Variants in NBAS observed in about 807,000 individuals in gnomAD.
NBAS encodes NBAS subunit of NRZ tethering complex, also known as NAG/BC035112 fusion.
A neutral mutation model predicts 302.5 loss-of-function variants in NBAS; 219 were observed. The observed-to-expected ratio is 0.72, with a 90% CI of 0.65 to 0.81. The LOEUF (loss-of-function observed/expected upper bound fraction) is 0.81, where lower values mean the gene tolerates loss of function less well. Ranked by LOEUF, NBAS falls within the 30% of genes least tolerant of loss-of-function variation. The pLI is 0.00. For missense variants in NBAS, 2,932 were observed against 2,841.6 expected, an observed-to-expected ratio of 1.03 and a Z score of -0.72; for synonymous variants, 1,118 against 1,021.6, an observed-to-expected ratio of 1.09 and a Z score of -1.80.
chr2:14,880,178 C>T, the NBAS span, among the ~76,000 whole-genome samples: 24 of 152,152 alleles, frequency 1.6e-4, no homozygotes, highest in African/African-American at 5.3e-4. Flanking sequence ...ATGAAGGAGC[C>T]CTTGAACAAA....
chr2:14,899,367 G>A, the NBAS span, among the ~76,000 whole-genome samples: 36 of 151,180 alleles, frequency 2.4e-4, no homozygotes, highest in Non-Finnish European at 4.1e-4. Flanking sequence ...CTAAATAAAT[G>A]TCAAATGACT....
rs1350903058 is a variant in NBAS at position 15,341,406 on chromosome 2, A to AAATT, written c.4179+10585_4179+10586insAATT. 3.0e-3 allele frequency among the ~76,000 whole-genome samples: 440 copies of AAATT among 148,128 alleles called. 1 individual carries two copies. The highest frequency in any genetic ancestry group is 0.011 in the African/African-American group (421 of 38,578). On this transcript the variant is annotated intron_variant, in intron 35 of 51. Coordinates refer to ENST00000281513, the MANE Select transcript of NBAS (RefSeq NM_015909.4). ...ATCTCTAATAAATAAATAAATGAAT[A>AAATT]AATAAATAAATAAATAAATAAAGTA...
chr2:14,986,864 A>C, the NBAS span, among the ~76,000 whole-genome samples: 1 of 152,164 alleles, frequency 6.6e-6, no homozygotes, highest in Non-Finnish European at 1.5e-5. Flanking sequence ...CATTTGATCA[A>C]TACAGGAGTT....
chr2:14,819,564 C>G, the NBAS span, among the ~76,000 whole-genome samples: 1 of 152,152 alleles, frequency 6.6e-6, no homozygotes, highest in African/African-American at 2.4e-5. Context: ...GAGAGGATTT[C>G]AAGGACTTAA....
the NBAS span, among the ~76,000 whole-genome samples, chr2:14,783,190 T>A: frequency 6.6e-6 from 1 of 152,090 alleles, no homozygotes; most frequent in Non-Finnish European, 1.5e-5. Flanking sequence ...AAATGGCAAA[T>A]TGACTATGAA....
At chr2:14,928,921 C>T in the NBAS span, among the ~76,000 whole-genome samples, 1 of 152,120 alleles carries the variant, frequency 6.6e-6, no homozygotes, top group Non-Finnish European at 1.5e-5. Context: ...TTGAAGTATG[C>T]TCTTGTGAGG....
chr2:15,081,015 A>C, the NBAS span, among the ~76,000 whole-genome samples: 3 of 151,934 alleles, frequency 2.0e-5, no homozygotes, highest in Non-Finnish European at 4.4e-5. Context: ...CTAGATAAAA[A>C]CGGGCCACCA....
the NBAS span, among the ~76,000 whole-genome samples, chr2:15,000,739 G>T: frequency 6.6e-6 from 1 of 152,110 alleles, no homozygotes; most frequent in Admixed American, 6.5e-5. Context: ...TGATGAGGAC[G>T]TTCTACAAAG....
the NBAS span, among the ~76,000 whole-genome samples, chr2:15,119,523 TAG>T: frequency 3.3e-5 from 5 of 152,176 alleles, no homozygotes; most frequent in Non-Finnish European, 5.9e-5. Context: ...GTATTTCTAG[TAG>T]AGACGGGGTT....
intron 11 of NBAS, among the ~76,000 whole-genome samples, chr2:15,493,470 C>T (rs1436290864): frequency 6.6e-6 from 1 of 152,202 alleles, no homozygotes; most frequent in Non-Finnish European, 1.5e-5. Flanking sequence ...GAGTTCAAGA[C>T]CAGCCTGGTC....
chr2:15,156,248 T>A, the NBAS span, among the ~76,000 whole-genome samples: 1 of 152,154 alleles, frequency 6.6e-6, no homozygotes, highest in Admixed American at 6.5e-5. Flanking sequence ...TGGGCCCTGG[T>A]CTTCCCCAAC....
chr2:14,938,936 G>T, the NBAS span, among the ~76,000 whole-genome samples: 1 of 152,160 alleles, frequency 6.6e-6, no homozygotes, highest in Non-Finnish European at 1.5e-5. Flanking sequence ...ATTTTCTTTG[G>T]TCTCACAAAC....
chr2:15,085,858 T>C, the NBAS span, among the ~76,000 whole-genome samples: 2 of 152,254 alleles, frequency 1.3e-5, no homozygotes, highest in Admixed American at 6.5e-5. Flanking sequence ...CCCTGGACTT[T>C]GGGTGCCCAG....
chr2:14,791,885 G>T, the NBAS span, among the ~76,000 whole-genome samples: 2 of 151,946 alleles, frequency 1.3e-5, no homozygotes, highest in African/African-American at 4.8e-5. Flanking sequence ...TGAAAAACAG[G>T]CCTAGTCTCA....
chr2:15,556,665 C>A, intron 3 of NBAS, 118 bp downstream of exon 3: 1 of 947,092 alleles, frequency 1.1e-6, no homozygotes, highest in Non-Finnish European at 1.7e-6. Context: ...ACTGAGTTTG[C>A]CTGAATGTCA....
chr2:14,797,700 G>A, the NBAS span, among the ~76,000 whole-genome samples: 2 of 152,072 alleles, frequency 1.3e-5, no homozygotes, highest in Non-Finnish European at 2.9e-5. Context: ...CAGGCTGAGC[G>A]TGAAGCTATA....
At chr2:15,415,380 CT>C (rs1676876295) in intron 25 of NBAS, among the ~76,000 whole-genome samples, 165 bp downstream of exon 25, 1 of 152,138 alleles carries the variant, frequency 6.6e-6, no homozygotes, top group Non-Finnish European at 1.5e-5. Context: ...ATTTTACAAC[CT>C]TTTGACTATG....
At chr2:14,795,352 T>G in the NBAS span, among the ~76,000 whole-genome samples, 1 of 152,302 alleles carries the variant, frequency 6.6e-6, no homozygotes, top group East Asian at 1.9e-4. Flanking sequence ...TATCTAATGA[T>G]GAAAATCTTT....
At chr2:15,329,746 G>C (rs967981666) in intron 36 of NBAS, among the ~76,000 whole-genome samples, 6 of 152,126 alleles carry the variant, frequency 3.9e-5, no homozygotes, top group African/African-American at 1.4e-4. Flanking sequence ...AGGGGAGCTA[G>C]AGTTTGTATT....
Sources: allele counts gnomAD v4.1 joint callset (sites outside exome capture counted in the v4.1 genomes callset), GRCh38; gene constraint gnomAD v4.1.1; transcripts MANE v1.5; gene names NCBI Gene and HGNC (gene_info 2026-07-23, HGNC 2026-07-21).